Variants in LRFN5 observed in about 807,000 individuals in gnomAD.
LRFN5 encodes the protein leucine rich repeat and fibronectin type III domain containing 5.
In LRFN5, 24 loss-of-function variants were observed where a neutral mutation model predicts 45.6. The ratio of observed to expected loss-of-function variants is 0.53; its 90% CI spans 0.38 to 0.74. The LOEUF is 0.74. Among genes scored for constraint, LRFN5 ranks in the 30% least tolerant of loss-of-function variants. LRFN5 has a pLI of 0.00. For synonymous variants in LRFN5, 340 were observed against 313.8 expected (o/e 1.08, Z -0.88); for missense variants, 776 against 861.5 (o/e 0.90, Z 1.24).
chr14:41,692,805 G>T (rs925974679), intron 1 of LRFN5, among the ~76,000 whole-genome samples: 2 of 151,886 alleles, frequency 1.3e-5, no homozygotes, highest in African/African-American at 2.4e-5. Context: ...AGAAATATTT[G>T]TCTATTTCTA....
chr14:41,647,379 T>G (rs1364372136), intron 1 of LRFN5, among the ~76,000 whole-genome samples: 1 of 152,152 alleles, frequency 6.6e-6, no homozygotes, highest in Non-Finnish European at 1.5e-5. Context: ...TTTATAAATG[T>G]TACATCTCAT....
At chr14:41,725,044 G>A (rs115595472) in intron 1 of LRFN5, among the ~76,000 whole-genome samples, 1,857 of 152,186 alleles carry the variant, frequency 0.012, 37 homozygotes, top group African/African-American at 0.04. Flanking sequence ...ATTTTGCCTT[G>A]GGGCTATGTA....
rs190917056 is a variant in LRFN5 at position 41,675,021 on chromosome 14, C to G, written c.-197+66459C>G. ...CAGACGATGGGCGGCCGGGCAGAGACGCTCCTCACTTCCTAGATGGGATGG... is the reference window on the plus strand; with the variant it reads ...CAGACGATGGGCGGCCGGGCAGAGAGGCTCCTCACTTCCTAGATGGGATGG... On this transcript the variant is annotated intron_variant, in intron 1 of 5. Coordinates refer to ENST00000298119, the MANE Select transcript of LRFN5 (RefSeq NM_152447.5). 7.5e-3 allele frequency among the ~76,000 whole-genome samples: 1,139 copies of G among 151,820 alleles called. 81 individuals carry two copies. The East Asian group carries it at 0.19, about 25-fold the overall frequency.
chr14:41,734,024 C>CT (rs1241948731), intron 1 of LRFN5, among the ~76,000 whole-genome samples: 2 of 115,542 alleles, frequency 1.7e-5, no homozygotes, highest in African/African-American at 7.6e-5. Flanking sequence ...CTTTTCTTTT[C>CT]TTTTCTTTTT....
At chr14:41,686,451 C>T (rs145952703) in intron 1 of LRFN5, among the ~76,000 whole-genome samples, 1 of 151,526 alleles carries the variant, frequency 6.6e-6, no homozygotes, top group Admixed American at 6.6e-5. Flanking sequence ...ATTTGAATAC[C>T]CTTTATTTCT....
chr14:41,778,939 G>C (rs529787627), intron 2 of LRFN5, among the ~76,000 whole-genome samples: 1 of 151,846 alleles, frequency 6.6e-6, no homozygotes, highest in African/African-American at 2.4e-5. Flanking sequence ...AGACAGACGT[G>C]TCATCTGTGA....
At position 41,799,736 on chromosome 14, in the gene LRFN5, A is replaced by G. The variant is rs150685375; in HGVS notation, c.-21+32707A>G. On this transcript the variant is annotated intron_variant, in intron 2 of 5. Transcript: ENST00000298119. ...GTAGGGTATGTGAGGAGATAAACGCATTTGGTGGTGTTCTCTGTCCTTTGG... is the reference window on the plus strand; with the variant it reads ...GTAGGGTATGTGAGGAGATAAACGCGTTTGGTGGTGTTCTCTGTCCTTTGG... Among the ~76,000 whole-genome samples the G allele has an allele frequency of 7.2e-3, 1,093 of 152,108 alleles. 13 individuals are homozygous for G. Among genetic ancestry groups the G allele is most frequent in the African/African-American group, 0.025 (1,045 of 41,546 alleles).
At position 41,756,225 on chromosome 14, in the gene LRFN5, A is replaced by T. The variant is rs570299940; in HGVS notation, c.-196-10629A>T. On this transcript the variant is annotated intron_variant, in intron 1 of 5. Coordinates refer to ENST00000298119, the MANE Select transcript of LRFN5 (RefSeq NM_152447.5). Reference sequence around the variant, plus strand: ...TTTTTCCTTCATTTCAACTTTAGTGAATCTGACAATTATGTGTCTTGGAGT... The same window carrying T: ...TTTTTCCTTCATTTCAACTTTAGTGTATCTGACAATTATGTGTCTTGGAGT... Among the ~76,000 whole-genome samples the T allele has an allele frequency of 7.2e-5, 11 of 152,192 alleles. No individual in the cohort carries two copies. In the South Asian group the frequency reaches 2.3e-3, roughly 32 times the overall value.
intron 1 of LRFN5, among the ~76,000 whole-genome samples, chr14:41,739,139 A>C (rs1312987142): frequency 6.6e-6 from 1 of 152,100 alleles, no homozygotes; most frequent in Admixed American, 6.6e-5. Context: ...TAATCCCAGC[A>C]CTTTGGGAGG....
intron 2 of LRFN5, among the ~76,000 whole-genome samples, chr14:41,805,324 A>G (rs535700860): frequency 1.1e-4 from 17 of 150,920 alleles, no homozygotes; most frequent in East Asian, 7.7e-4. Flanking sequence ...AAGTATATCA[A>G]TTATGCAGAT....
intron 1 of LRFN5, among the ~76,000 whole-genome samples, chr14:41,716,717 C>T (rs1299157803): frequency 6.6e-6 from 1 of 152,154 alleles, no homozygotes; most frequent in African/African-American, 2.4e-5. Flanking sequence ...TCTTCTGAGC[C>T]ATCCAAAATG....
At chr14:41,698,135 G>A (rs1882693048) in intron 1 of LRFN5, among the ~76,000 whole-genome samples, 1 of 151,956 alleles carries the variant, frequency 6.6e-6, no homozygotes, top group Non-Finnish European at 1.5e-5. Flanking sequence ...TTTAAGAAAT[G>A]TGTAAAGCAA....
intron 1 of LRFN5, among the ~76,000 whole-genome samples, chr14:41,698,487 C>G (rs916988479): frequency 1.3e-5 from 2 of 152,008 alleles, no homozygotes; most frequent in African/African-American, 4.8e-5. Flanking sequence ...TTTAGAAATA[C>G]CATTGCCTGG....
At chr14:41,784,631 TTGTG>T (rs34858248) in intron 2 of LRFN5, among the ~76,000 whole-genome samples, 1 of 150,686 alleles carries the variant, frequency 6.6e-6, no homozygotes, top group African/African-American at 2.4e-5. Flanking sequence ...GTGTGTGTGT[TTGTG>T]TGTGTGTGTG....
chr14:41,874,180 T>C (rs1890113734), intron 2 of LRFN5, among the ~76,000 whole-genome samples: 1 of 152,154 alleles, frequency 6.6e-6, no homozygotes. Context: ...TGTGGCAATG[T>C]TCAATGTGTG....
intron 1 of LRFN5, among the ~76,000 whole-genome samples, chr14:41,761,949 ATTAAAT>A (rs977481504): frequency 6.6e-6 from 1 of 152,096 alleles, no homozygotes; most frequent in Admixed American, 6.6e-5. Context: ...AAATTTTGTA[ATTAAAT>A]TTAAATTATA....
chr14:41,650,887 G>T (rs547938436), intron 1 of LRFN5, among the ~76,000 whole-genome samples: 43 of 104,408 alleles, frequency 4.1e-4, no homozygotes, highest in East Asian at 1.0e-3. Context: ...GACAGAGAAA[G>T]AGAGAGAGAG....
At chr14:41,627,794 A>G (rs1888385610) in intron 1 of LRFN5, among the ~76,000 whole-genome samples, 1 of 152,202 alleles carries the variant, frequency 6.6e-6, no homozygotes, top group Non-Finnish European at 1.5e-5. Flanking sequence ...TGTAGTGACA[A>G]TATTCTGCTT....
At chr14:41,634,784 C>T (rs1417609416) in intron 1 of LRFN5, among the ~76,000 whole-genome samples, 1 of 152,066 alleles carries the variant, frequency 6.6e-6, no homozygotes, top group African/African-American at 2.4e-5. Context: ...TCCTTTTTGG[C>T]ATATTGAAAA....
Sources: allele counts gnomAD v4.1 joint callset (sites outside exome capture counted in the v4.1 genomes callset), GRCh38; gene constraint gnomAD v4.1.1; transcripts MANE v1.5; gene names NCBI Gene and HGNC (gene_info 2026-07-23, HGNC 2026-07-21).